Variants in CAPRIN1 observed in about 807,000 individuals in gnomAD.
The protein encoded by CAPRIN1 is caprin-1.
CAPRIN1 carries 29 observed loss-of-function variants against 100.9 expected under a neutral mutation model. The observed-to-expected ratio is 0.29, with a 90% confidence interval of 0.21 to 0.39. The LOEUF (loss-of-function observed/expected upper bound fraction) is 0.39. Among genes scored for constraint, CAPRIN1 ranks in the 10% least tolerant of loss-of-function variants. CAPRIN1 has a pLI of 1.00. For missense variants in CAPRIN1, 795 were observed against 876.7 expected (o/e 0.91, Z 1.18); for synonymous variants, 338 against 307.5 (o/e 1.10, Z -1.04).
chr11:34,090,525 T>G lies in CAPRIN1; in HGVS notation c.1405-4T>G. Reference sequence around the variant, plus strand: ...TAAAGTGCATCTATTCACTTTGTGTTTAGGCAACAATCTCTTTAAATACAG... The same window carrying G: ...TAAAGTGCATCTATTCACTTTGTGTGTAGGCAACAATCTCTTTAAATACAG... On this transcript the variant is annotated splice_region_variant and splice_polypyrimidine_tract_variant and intron_variant, in intron 13 of 18. Transcript: ENST00000341394. 1 of 1,610,032 alleles carries G rather than the reference T, an allele frequency of 6.2e-7. No individual in the cohort carries two copies. The highest frequency in any genetic ancestry group is 8.5e-7 in the Non-Finnish European group (1 of 1,176,692).
intron 2 of CAPRIN1, chr11:34,056,358 C>T (rs943688301): frequency 1.3e-5 from 2 of 151,994 alleles, no homozygotes; most frequent in Non-Finnish European, 2.9e-5. Context: ...TTGTTTATTT[C>T]CTAATAATTT....
At chr11:34,087,507 G>T (rs1419806069) in intron 11 of CAPRIN1, among the ~76,000 whole-genome samples, 1 of 143,530 alleles carries the variant, frequency 7.0e-6, no homozygotes, top group East Asian at 1.9e-4. Flanking sequence ...CTAATTTTTT[G>T]TATTTTTAGT....
intron 2 of CAPRIN1, among the ~76,000 whole-genome samples, chr11:34,058,342 G>A (rs747466743): frequency 5.3e-5 from 8 of 152,160 alleles, no homozygotes; most frequent in Non-Finnish European, 8.8e-5. Flanking sequence ...TTGCCATGTT[G>A]ACCAGGCTGG....
At chr11:34,089,709 CTTCTG>C (rs1851226707) in intron 12 of CAPRIN1, among the ~76,000 whole-genome samples, 1 of 152,150 alleles carries the variant, frequency 6.6e-6, no homozygotes, top group African/African-American at 2.4e-5. Flanking sequence ...GTGTCCAAGT[CTTCTG>C]TTGGAATTCA....
intron 2 of CAPRIN1, among the ~76,000 whole-genome samples, chr11:34,059,728 A>G (rs1392996430): frequency 6.6e-6 from 1 of 152,190 alleles, no homozygotes; most frequent in African/African-American, 2.4e-5. Flanking sequence ...AACCCTGTTA[A>G]AATGGATTAA....
At chr11:34,068,784 T>G (rs1374137115) in intron 2 of CAPRIN1, among the ~76,000 whole-genome samples, 1 of 152,176 alleles carries the variant, frequency 6.6e-6, no homozygotes, top group Non-Finnish European at 1.5e-5. Flanking sequence ...CATTCTTACC[T>G]TTTTCATTGT....
Position 34,091,988 on chromosome 11 carries a change from A to C in CAPRIN1, c.1637A>C (p.Asn546Thr), listed in dbSNP as rs957789233. 6.2e-7 allele frequency: 1 copy of C among 1,614,154 alleles called. No individual in the cohort carries two copies. Among genetic ancestry groups the C allele is most frequent in the Non-Finnish European group, 8.5e-7 (1 of 1,180,008 alleles). ...CAAAATCAGTACCAGGCCAGTTATA[A>C]CCAGAGCTTTTCTAGTCAGCCTCAC... ...KQQNQYQASYNQSFSSQPHQV... is the reference protein window; with the variant it reads ...KQQNQYQASYTQSFSSQPHQV... Residue 546 changes from asparagine (N) to threonine (T), a missense_variant, in exon 15 of 19, where the codon AAC becomes ACC. Asn to Thr is a moderately conservative substitution (Grantham distance 65). This residue lies in a region of CAPRIN1 where 648 missense variants were observed against 697.9 expected (regional missense o/e 0.93). Transcript: ENST00000341394.
chr11:34,055,423 A>T lies in CAPRIN1; in HGVS notation c.216+2787A>T, dbSNP rs538253699. 2.0e-5 allele frequency among the ~76,000 whole-genome samples: 3 copies of T among 152,260 alleles called. No individual in the cohort carries two copies. The South Asian group carries it at 6.2e-4, about 32-fold the overall frequency. ...CTGCAACCTCCGCCTCCTGGGTTCAAGCGATTCTCCTGCCTCGGCCCCCCG... is the reference window on the plus strand; with the variant it reads ...CTGCAACCTCCGCCTCCTGGGTTCATGCGATTCTCCTGCCTCGGCCCCCCG... On this transcript the variant is annotated intron_variant, in intron 2 of 18. Transcript: ENST00000341394.
chr11:34,098,087 T>G (rs1851398511), intron 18 of CAPRIN1: 4 of 1,033,134 alleles, frequency 3.9e-6, no homozygotes, highest in African/African-American at 1.7e-5. Context: ...GAAACATTTT[T>G]GTAAGACATT....
At chr11:34,076,099 A>G in intron 4 of CAPRIN1, 137 bp from the exon 5 acceptor site, 2 of 624,494 alleles carry the variant, frequency 3.2e-6, no homozygotes, top group South Asian at 4.0e-5. Context: ...TTTGTAAGTC[A>G]GGAATCATCC....
At position 34,092,027 on chromosome 11, in the gene CAPRIN1, CAG is replaced by C. The variant is rs1213031686; in HGVS notation, c.1679_1680del (p.Glu560AlafsTer26). 1 of 1,614,036 alleles carries C rather than the reference CAG, an allele frequency of 6.2e-7. No homozygotes were observed. The highest frequency in any genetic ancestry group is 1.7e-5 in the Admixed American group (1 of 59,996). On this transcript the variant is annotated frameshift_variant, in exon 15 of 19. Transcript: ENST00000341394. LOFTEE classifies it high-confidence loss of function. ...AGTCAGCCTCACCAAGTAGAACAAA[CAG>C]AGCTTCAGCAAGAACAGCTTCAAAC...
At chr11:34,067,256 T>G (rs772406690) in intron 2 of CAPRIN1, among the ~76,000 whole-genome samples, 2 of 152,126 alleles carry the variant, frequency 1.3e-5, no homozygotes, top group Non-Finnish European at 2.9e-5. Flanking sequence ...CTACATTTTT[T>G]TGACTGGGCA....
At chr11:34,058,745 T>C (rs1850509252) in intron 2 of CAPRIN1, among the ~76,000 whole-genome samples, 1 of 152,194 alleles carries the variant, frequency 6.6e-6, no homozygotes. Context: ...GAAATAAACT[T>C]TTATAAAGTT....
Position 34,089,376 on chromosome 11 carries a change from G to T in CAPRIN1, c.1232-19G>T. ...AAATTTAATTTTGTTTGACAAAAAT[G>T]TTTTGGTCACCTTTGCAGTTCATTC... On this transcript the variant is annotated intron_variant, in intron 11 of 18. Transcript: ENST00000341394. 3 of 1,505,254 alleles carry T rather than the reference G, an allele frequency of 2.0e-6. No homozygotes were observed. Among genetic ancestry groups the T allele is most frequent in the Non-Finnish European group, 1.8e-6 (2 of 1,110,162 alleles). The allele number at this position is 1,505,254 out of a possible 1,614,324, so 93.2% of individuals were successfully genotyped here.
Position 34,094,454 on chromosome 11 carries a change from C to T in CAPRIN1, c.1706-2025C>T, listed in dbSNP as rs759107707. Among the ~76,000 whole-genome samples the T allele has an allele frequency of 3.9e-5, 6 of 152,238 alleles. No homozygotes were observed. In the Middle Eastern group the frequency reaches 0.01, roughly 259 times the overall value. On this transcript the variant is annotated intron_variant, in intron 15 of 18. Transcript: ENST00000341394. ...AGGAACAACATGACAGAATCTTTGG[C>T]TTTTTAAAATGGCCTACAAGTTTAT...
At position 34,059,624 on chromosome 11, in the gene CAPRIN1, A is replaced by G. The variant is rs1850531782; in HGVS notation, c.216+6988A>G. Among the ~76,000 whole-genome samples, 3 of 152,198 alleles carry G rather than the reference A, an allele frequency of 2.0e-5. No individual in the cohort carries two copies. In the South Asian group the frequency reaches 6.2e-4, roughly 31 times the overall value. On this transcript the variant is annotated intron_variant, in intron 2 of 18. Coordinates refer to ENST00000341394, the MANE Select transcript of CAPRIN1 (RefSeq NM_005898.5). ...TTTGTGGGCAGAGACTATTAACATT[A>G]CTTTGCTGCGCTTTCTCACACATGG... is the stretch of plus-strand genomic sequence containing the variant.
At chr11:34,062,362 A>T (rs1850598085) in intron 2 of CAPRIN1, among the ~76,000 whole-genome samples, 1 of 152,178 alleles carries the variant, frequency 6.6e-6, no homozygotes, top group Non-Finnish European at 1.5e-5. Context: ...GCGGTGGCTC[A>T]CGCCTGTAAT....
Position 34,092,477 on chromosome 11 carries a change from C to T in CAPRIN1, c.1705+421C>T, listed in dbSNP as rs146464662. On this transcript the variant is annotated intron_variant, in intron 15 of 18. Transcript: ENST00000341394. ...ACACAAGCAATCCTCCCTACCTCAGCCTCCCAAGTAGCTTGGGAATACACG... is the reference window on the plus strand; with the variant it reads ...ACACAAGCAATCCTCCCTACCTCAGTCTCCCAAGTAGCTTGGGAATACACG... Among the ~76,000 whole-genome samples, 148 of 152,078 alleles carry T rather than the reference C, an allele frequency of 9.7e-4. 1 individual carries two copies. The highest frequency in any genetic ancestry group is 2.1e-4 in the Non-Finnish European group (14 of 67,978).
At chr11:34,093,924 A>C (rs1851313570) in intron 15 of CAPRIN1, among the ~76,000 whole-genome samples, 1 of 148,004 alleles carries the variant, frequency 6.8e-6, no homozygotes, top group Non-Finnish European at 1.5e-5. Flanking sequence ...TTCTTGCCGA[A>C]AACTTTCTCC....
Sources: allele counts gnomAD v4.1 joint callset (sites outside exome capture counted in the v4.1 genomes callset), GRCh38; gene constraint gnomAD v4.1.1; regional missense constraint gnomAD v4.1.1; transcripts MANE v1.5; gene names NCBI Gene and HGNC (gene_info 2026-07-23, HGNC 2026-07-21).